Variants in PCNT observed in about 807,000 individuals in gnomAD.
The protein encoded by PCNT is kendrin.
Under a neutral mutation model 380.4 loss-of-function variants are expected in PCNT, and 319 were observed. The ratio of observed to expected loss-of-function variants is 0.84; its 90% confidence interval spans 0.77 to 0.92. The LOEUF is 0.92. Among genes scored for constraint, PCNT ranks in the 40% least tolerant of loss-of-function variants. PCNT has a pLI of 0.00. For synonymous variants in PCNT, 1,845 were observed against 1,735.2 expected (o/e 1.06, Z -1.57); for missense variants, 4,400 against 4,255.3 (o/e 1.03, Z -0.95).
intron 15 of PCNT, among the ~76,000 whole-genome samples, chr21:46,376,727 C>G (rs1009014929): frequency 6.6e-6 from 1 of 152,172 alleles, no homozygotes; most frequent in African/African-American, 2.4e-5. Flanking sequence ...GCTGTTGGTC[C>G]GGATCAATGC....
At chr21:46,389,025 A>C (rs747643842) in intron 18 of PCNT, 141 bp downstream of exon 18, 73 of 1,391,888 alleles carry the variant, frequency 5.2e-5, no homozygotes, top group Non-Finnish European at 6.7e-5. Context: ...CCGCACTTAC[A>C]GAAGGCCGAG....
chr21:46,432,237 A>G (rs201904039), intron 38 of PCNT, 22 bp downstream of exon 38: 1 of 1,590,246 alleles, frequency 6.3e-7, no homozygotes, highest in South Asian at 1.1e-5. Context: ...CTGCCGGCGG[A>G]GCGTCCACAC....
chr21:46,329,880 A>G (rs1569157235), intron 2 of PCNT, among the ~76,000 whole-genome samples: 1 of 152,224 alleles, frequency 6.6e-6, no homozygotes, highest in Non-Finnish European at 1.5e-5. Context: ...AGGATTCTTC[A>G]TGGAATGAAG....
intron 15 of PCNT, among the ~76,000 whole-genome samples, chr21:46,371,899 A>G (rs73146742): frequency 0.013 from 2,031 of 151,286 alleles, 21 homozygotes; most frequent in Non-Finnish European, 0.02. Context: ...CACAGCACAT[A>G]CACAGCACAT....
intron 17 of PCNT, 38 bp downstream of exon 17, chr21:46,386,021 G>A (rs1393588024): frequency 5.6e-6 from 9 of 1,611,386 alleles, no homozygotes; most frequent in Non-Finnish European, 7.6e-6. Context: ...CCTTGTGGCC[G>A]CCAGCACCCG....
chr21:46,408,000 G>T (rs1247889178), intron 27 of PCNT, among the ~76,000 whole-genome samples: 1 of 152,056 alleles, frequency 6.6e-6, no homozygotes, highest in Non-Finnish European at 1.5e-5. Context: ...AACAATTTAA[G>T]TTTTTTGTTT....
chr21:46,397,251 G>C lies in PCNT; in HGVS notation c.4217-14G>C. The C allele has an allele frequency of 6.2e-7, 1 of 1,609,020 alleles. No individual in the cohort carries two copies. ...GCGGGGGTGTCCCCGTGTCTGTCCTGTTTGCATCCTTAGCTCTCCGGAAGG... is the reference window on the plus strand; with the variant it reads ...GCGGGGGTGTCCCCGTGTCTGTCCTCTTTGCATCCTTAGCTCTCCGGAAGG... On this transcript the variant is annotated splice_polypyrimidine_tract_variant and intron_variant, in intron 21 of 46. Transcript: ENST00000359568.
intron 25 of PCNT, among the ~76,000 whole-genome samples, chr21:46,400,732 C>G (rs1033941494): frequency 6.6e-6 from 1 of 152,070 alleles, no homozygotes; most frequent in Non-Finnish European, 1.5e-5. Context: ...GTTGGCCAGG[C>G]TGGTCTCGAA....
Position 46,385,984 on chromosome 21 carries a change from G to A in PCNT, c.3464+1G>A, listed in dbSNP as rs762835505. On this transcript the variant is annotated splice_donor_variant, in intron 17 of 46. Transcript: ENST00000359568. LOFTEE classifies it high-confidence loss of function. ...ACGTCAACCTGTCCCACAGCGAAAG[G>A]TCAGTGTGTCCTCGGCACCGAGGCT... is the stretch of plus-strand genomic sequence containing the variant. 3.7e-6 allele frequency: 6 copies of A among 1,613,916 alleles called. No homozygotes were observed. The South Asian group carries it at 5.5e-5, about 15-fold the overall frequency.
At position 46,381,736 on chromosome 21, in the gene PCNT, G is replaced by C; in HGVS notation, c.3208G>C (p.Glu1070Gln). The C allele has an allele frequency of 6.2e-7, 1 of 1,614,174 alleles. No homozygotes were observed. The highest frequency in any genetic ancestry group is 8.5e-7 in the Non-Finnish European group (1 of 1,179,990). The change falls in exon 16 of 47, where the codon GAG becomes CAG. Residue 1070 changes from glutamate (E) to glutamine (Q), a missense_variant. By Grantham distance (29) the Glu-to-Gln change is conservative. Coordinates refer to ENST00000359568, the MANE Select transcript of PCNT (RefSeq NM_006031.6). The part of the protein sequence containing the change: ...SEKKTALHEK[E>Q]ETLRLQSAQA... ...AAAGAAAACTGCTTTGCATGAAAAA[G>C]AGGAGACACTTCGGCTTCAGAGTGC...
Position 46,415,762 on chromosome 21 carries a change from C to A in PCNT, c.6151-307C>A, listed in dbSNP as rs187780245. 3.0e-3 allele frequency among the ~76,000 whole-genome samples: 459 copies of A among 152,314 alleles called. 3 individuals carry two copies. Among genetic ancestry groups the A allele is most frequent in the African/African-American group, 0.011 (438 of 41,570 alleles). On this transcript the variant is annotated intron_variant, in intron 29 of 46. Transcript: ENST00000359568. ...GTTACACACACAGAAACTCCAAATT[C>A]ATCACATAAACCACAATTTTGTGTT...
chr21:46,376,557 G>A (rs551288449), intron 15 of PCNT, among the ~76,000 whole-genome samples: 1 of 152,344 alleles, frequency 6.6e-6, no homozygotes, highest in African/African-American at 2.4e-5. Flanking sequence ...TGGTCTTGAG[G>A]ATTAATTTTC....
At chr21:46,338,748 GGT>G (rs2083830582) in intron 3 of PCNT, among the ~76,000 whole-genome samples, 1 of 151,806 alleles carries the variant, frequency 6.6e-6, no homozygotes, top group Non-Finnish European at 1.5e-5. Flanking sequence ...TGGGATTACA[GGT>G]GTGCACCACC....
rs566719174 is a variant in PCNT, at chr21:46,350,290, T to C, written c.1344+470T>C. Among the ~76,000 whole-genome samples the C allele has an allele frequency of 2.6e-5, 4 of 152,360 alleles. No homozygotes were observed. In the South Asian group the frequency reaches 8.3e-4, roughly 32 times the overall value. On this transcript the variant is annotated intron_variant, in intron 8 of 46. Coordinates refer to ENST00000359568, the MANE Select transcript of PCNT (RefSeq NM_006031.6). ...GATTTAATAATTACGTTCAATCTTG[T>C]ACTTAGGAATGCATGTTCTTTGCAG...
intron 2 of PCNT, among the ~76,000 whole-genome samples, chr21:46,329,605 C>G (rs1404444979): frequency 6.6e-6 from 1 of 152,210 alleles, no homozygotes; most frequent in African/African-American, 2.4e-5. Flanking sequence ...ACTCACTGCA[C>G]TTGCTGCATT....
intron 26 of PCNT, 123 bp downstream of exon 26, chr21:46,401,844 C>T: frequency 1.1e-6 from 1 of 944,612 alleles, no homozygotes; most frequent in Non-Finnish European, 1.6e-6. Flanking sequence ...GTATTCTTTT[C>T]TTTTCTTTTT....
At chr21:46,412,705 G>A (rs2086828509) in intron 28 of PCNT, 132 bp from the exon 29 acceptor site, 1 of 954,188 alleles carries the variant, frequency 1.0e-6, no homozygotes, top group Non-Finnish European at 1.7e-6. Flanking sequence ...GTGCTCGGCT[G>A]TGGATGTCAC....
chr21:46,385,634 A>C (rs1194164108), intron 16 of PCNT, among the ~76,000 whole-genome samples, 198 bp from the exon 17 acceptor site: 1 of 152,172 alleles, frequency 6.6e-6, no homozygotes, highest in Non-Finnish European at 1.5e-5. Context: ...TGCTGAGGTC[A>C]CGCCTTTGAC....
chr21:46,330,821 G>T (rs1433134024), intron 2 of PCNT, among the ~76,000 whole-genome samples: 1 of 152,202 alleles, frequency 6.6e-6, no homozygotes, highest in Non-Finnish European at 1.5e-5. Flanking sequence ...AATGTCCCAG[G>T]CCAGGGCACT....
Sources: allele counts gnomAD v4.1 joint callset (sites outside exome capture counted in the v4.1 genomes callset), GRCh38; gene constraint gnomAD v4.1.1; transcripts MANE v1.5; gene names NCBI Gene and HGNC (gene_info 2026-07-23, HGNC 2026-07-21).